FAM135B: variants seen among roughly 807,000 people sequenced by gnomAD.
FAM135B encodes family with sequence similarity 135 member B, also known as protein FAM135B.
In FAM135B, 43 loss-of-function variants were observed where a neutral mutation model predicts 127.7. The ratio of observed to expected loss-of-function variants is 0.34; its 90% CI spans 0.26 to 0.43. FAM135B has a LOEUF of 0.43. Ranked by LOEUF, FAM135B falls within the 20% of genes least tolerant of loss-of-function variation. The pLI, the probability that FAM135B is intolerant of heterozygous loss-of-function variation, is 1.00. For missense variants in FAM135B, 1,558 were observed against 1,725.6 expected (o/e 0.90, Z 1.72); for synonymous variants, 670 against 665.1 (o/e 1.01, Z -0.11).
At chr8:138,324,274 C>T (rs1486091682) in intron 2 of FAM135B, among the ~76,000 whole-genome samples, 6 of 152,178 alleles carry the variant, frequency 3.9e-5, no homozygotes, top group Admixed American at 3.9e-4. Flanking sequence ...CAAACTCCTG[C>T]AGTCACATGA....
At chr8:138,294,092 GCAATAACT>G (rs1251729554) in intron 3 of FAM135B, among the ~76,000 whole-genome samples, 1 of 152,122 alleles carries the variant, frequency 6.6e-6, no homozygotes, top group African/African-American at 2.4e-5. Flanking sequence ...GATGTATTTT[GCAATAACT>G]CAGGTGGAGT....
intron 1 of FAM135B, among the ~76,000 whole-genome samples, chr8:138,487,645 G>A: frequency 6.7e-6 from 1 of 149,838 alleles, no homozygotes; most frequent in African/African-American, 2.5e-5. Context: ...GGGGGTGGGG[G>A]CGGGGCAGGG....
rs557040592 is a variant in FAM135B, at chr8:138,463,143, A to G, written c.-20+33528T>C. 2.6e-5 allele frequency among the ~76,000 whole-genome samples: 4 copies of G among 152,350 alleles called. No homozygotes were observed. In the South Asian group the frequency reaches 8.3e-4, roughly 32 times the overall value. ...TTTCTATTCCTAAATTTTTGGTGAA[A>G]AGCACATATGGAGTCCTTGCTTCAT... On this transcript the variant is annotated intron_variant, in intron 1 of 19. Coordinates refer to ENST00000395297, the MANE Select transcript of FAM135B (RefSeq NM_015912.4).
chr8:138,318,078 T>C (rs566205052), intron 2 of FAM135B, among the ~76,000 whole-genome samples: 5 of 152,312 alleles, frequency 3.3e-5, no homozygotes, highest in Admixed American at 6.5e-5. Context: ...ACATCAGCAA[T>C]AGTAAAAACA....
intron 3 of FAM135B, among the ~76,000 whole-genome samples, chr8:138,310,009 C>T (rs933217038): frequency 6.6e-6 from 1 of 151,912 alleles, no homozygotes; most frequent in Non-Finnish European, 1.5e-5. Flanking sequence ...ACTGAGATTG[C>T]AGGCGCCCGC....
chr8:138,317,297 AG>A (rs1216273033), intron 2 of FAM135B, among the ~76,000 whole-genome samples: 1 of 152,216 alleles, frequency 6.6e-6, no homozygotes, highest in African/African-American at 2.4e-5. Context: ...GCAAGTTTAA[AG>A]TTGCAAAATT....
chr8:138,205,276 G>T (rs747885660), intron 7 of FAM135B, among the ~76,000 whole-genome samples: 2 of 152,162 alleles, frequency 1.3e-5, no homozygotes, highest in African/African-American at 2.4e-5. Context: ...ATGTTTGCAG[G>T]TCTCAATGGC....
At chr8:138,341,191 G>A (rs4909774) in intron 2 of FAM135B, among the ~76,000 whole-genome samples, 13,555 of 152,270 alleles carry the variant, frequency 0.089, 1,074 homozygotes, top group East Asian at 0.27. Context: ...ACTGGATAAT[G>A]TGCGGCATGC....
At chr8:138,352,096 A>G (rs1282025277) in intron 2 of FAM135B, among the ~76,000 whole-genome samples, 7 of 152,202 alleles carry the variant, frequency 4.6e-5, no homozygotes, top group Non-Finnish European at 8.8e-5. Context: ...AGAAGGGGCC[A>G]CATGAAGGCT....
intron 1 of FAM135B, among the ~76,000 whole-genome samples, chr8:138,425,721 G>C (rs1211554323): frequency 6.6e-6 from 1 of 151,982 alleles, no homozygotes; most frequent in Non-Finnish European, 1.5e-5. Flanking sequence ...CTCTTACTCA[G>C]TGTAGATACC....
chr8:138,424,862 C>T (rs1185805385), intron 1 of FAM135B, among the ~76,000 whole-genome samples: 1 of 152,066 alleles, frequency 6.6e-6, no homozygotes, highest in African/African-American at 2.4e-5. Context: ...AATTACAAAC[C>T]ATGACATTTT....
intron 3 of FAM135B, 45 bp from the exon 4 acceptor site, chr8:138,265,887 C>A: frequency 6.3e-7 from 1 of 1,581,516 alleles, no homozygotes; most frequent in East Asian, 2.3e-5. Flanking sequence ...CCAATACTGT[C>A]CTGTACCTGC....
chr8:138,459,269 C>T (rs894902142), intron 1 of FAM135B: 2 of 152,146 alleles, frequency 1.3e-5, no homozygotes, highest in Admixed American at 6.5e-5. Context: ...GGTACTTCTC[C>T]AGAACCACTT....
Position 138,286,630 on chromosome 8 carries a change from G to C in FAM135B, c.158-20788C>G, listed in dbSNP as rs553538531. Among the ~76,000 whole-genome samples the C allele has an allele frequency of 5.1e-4, 78 of 152,318 alleles. 1 individual carries two copies. The highest frequency in any genetic ancestry group is 1.7e-3 in the African/African-American group (72 of 41,570). On this transcript the variant is annotated intron_variant, in intron 3 of 19. Transcript: ENST00000395297. ...TGCTCAGATATTTAGAATTTGTTGA[G>C]GCAAAGGAAGCATTGCTCATGGACT...
chr8:138,444,867 G>C (rs1188711679), intron 1 of FAM135B, among the ~76,000 whole-genome samples: 1 of 152,066 alleles, frequency 6.6e-6, no homozygotes, highest in African/African-American at 2.4e-5. Flanking sequence ...TCCAGGAGCT[G>C]GTTTTTTGAA....
chr8:138,308,371 A>T (rs934666133), intron 3 of FAM135B, among the ~76,000 whole-genome samples: 1 of 152,230 alleles, frequency 6.6e-6, no homozygotes, highest in Non-Finnish European at 1.5e-5. Context: ...ATAAAAGAAT[A>T]AGCCATTGTT....
chr8:138,396,019 T>C (rs1382349431), intron 1 of FAM135B, among the ~76,000 whole-genome samples: 1 of 152,202 alleles, frequency 6.6e-6, no homozygotes, highest in Non-Finnish European at 1.5e-5. Context: ...CAGGCTTCCC[T>C]GGGGTGAACT....
chr8:138,422,265 G>A (rs1563988788), intron 1 of FAM135B, among the ~76,000 whole-genome samples: 2 of 152,034 alleles, frequency 1.3e-5, no homozygotes, highest in Non-Finnish European at 2.9e-5. Flanking sequence ...ACTAAAATAG[G>A]CAAGTGGGAC....
intron 2 of FAM135B, among the ~76,000 whole-genome samples, chr8:138,363,832 G>A (rs1000242010): frequency 2.2e-4 from 34 of 152,142 alleles, no homozygotes; most frequent in African/African-American, 8.0e-4. Context: ...ACAATGAGCT[G>A]CAACATTTGG....
Sources: gnomAD v4.1 joint callset for allele counts (sites outside exome capture counted in the v4.1 genomes callset) on GRCh38, gnomAD v4.1.1 for gene constraint, MANE v1.5 for transcripts, NCBI Gene and HGNC (gene_info 2026-07-23, HGNC 2026-07-21) for gene names.